Variants in MIPOL1 observed in about 807,000 individuals in gnomAD.
MIPOL1 encodes the protein mirror-image polydactyly 1.
MIPOL1 carries 57 observed loss-of-function variants against 60.9 expected under a neutral mutation model. The ratio of observed to expected loss-of-function variants is 0.94; its 90% CI spans 0.76 to 1.17. The LOEUF (loss-of-function observed/expected upper bound fraction) is 1.17, where lower values mean the gene tolerates loss of function less well. Among genes scored for constraint, MIPOL1 ranks in the 50% most tolerant of loss-of-function variants. The pLI is 0.00. For synonymous variants in MIPOL1, 179 were observed against 168.8 expected, an observed-to-expected ratio of 1.06 and a Z score of -0.47; for missense variants, 551 against 511.6, an observed-to-expected ratio of 1.08 and a Z score of -0.74.
intron 7 of MIPOL1, among the ~76,000 whole-genome samples, chr14:37,290,643 C>A (rs952796562): frequency 6.6e-6 from 1 of 152,064 alleles, no homozygotes; most frequent in Non-Finnish European, 1.5e-5. Context: ...GTTTTAGGGA[C>A]CACAGCATGC....
intron 7 of MIPOL1, among the ~76,000 whole-genome samples, chr14:37,303,033 A>T (rs894557396): frequency 6.6e-6 from 1 of 151,960 alleles, no homozygotes; most frequent in Non-Finnish European, 1.5e-5. Context: ...CATGCAATTT[A>T]TGTTCATAAA....
chr14:37,231,522 A>G (rs556462439), intron 1 of MIPOL1, among the ~76,000 whole-genome samples: 5 of 152,322 alleles, frequency 3.3e-5, no homozygotes, highest in African/African-American at 9.6e-5. Context: ...ACTAAGGCTA[A>G]TAGATGAATG....
intron 11 of MIPOL1, among the ~76,000 whole-genome samples, chr14:37,489,454 G>T (rs998682709): frequency 3.3e-5 from 5 of 152,036 alleles, no homozygotes; most frequent in African/African-American, 1.2e-4. Flanking sequence ...ACTTCTGTCA[G>T]TTCATCAAAC....
intron 9 of MIPOL1, among the ~76,000 whole-genome samples, chr14:37,358,027 C>A (rs2091966123): frequency 6.6e-6 from 1 of 151,600 alleles, no homozygotes; most frequent in Admixed American, 6.6e-5. Context: ...GTGTGATGTT[C>A]CCTGCCCTAT....
intron 11 of MIPOL1, among the ~76,000 whole-genome samples, chr14:37,445,322 A>G (rs1478945207): frequency 3.3e-5 from 5 of 152,220 alleles, no homozygotes; most frequent in South Asian, 4.1e-4. Context: ...CCCATTCACA[A>G]TTGCTTCAAA....
Position 37,308,504 on chromosome 14 carries a change from T to C in MIPOL1, c.813T>C (p.Asp271=), listed in dbSNP as rs2086984282. The C allele has an allele frequency of 3.2e-6, 5 of 1,583,900 alleles. No individual in the cohort carries two copies. The highest frequency in any genetic ancestry group is 4.3e-6 in the Non-Finnish European group (5 of 1,168,560). The change falls in exon 9 of 13, where the codon GAT becomes GAC. Residue 271 remains aspartate, a synonymous_variant. Transcript: ENST00000684589. ...EEMSALIEER[D]AALSKCKRLE... is the part of the protein sequence containing the mutation. ...TGAGTGCACTAATAGAAGAACGGGA[T>C]GCTGCCTTGTCTAAGGTAACTCTGC...
chr14:37,470,376 C>T (rs1257310458), intron 11 of MIPOL1, among the ~76,000 whole-genome samples: 2 of 151,984 alleles, frequency 1.3e-5, no homozygotes, highest in Non-Finnish European at 2.9e-5. Context: ...CCCAGTGTTA[C>T]GGGAGGGGCC....
intron 9 of MIPOL1, among the ~76,000 whole-genome samples, chr14:37,356,220 G>T (rs1322396181): frequency 2.6e-5 from 4 of 151,918 alleles, no homozygotes; most frequent in African/African-American, 9.7e-5. Context: ...AGGCTTCTCG[G>T]GGGTCAGGGG....
intron 9 of MIPOL1, among the ~76,000 whole-genome samples, chr14:37,333,525 A>G (rs963609669): frequency 6.6e-6 from 1 of 151,648 alleles, no homozygotes; most frequent in Non-Finnish European, 1.5e-5. Flanking sequence ...TTGAGACAAG[A>G]CACAGATAAG....
intron 1 of MIPOL1, among the ~76,000 whole-genome samples, chr14:37,235,877 A>G (rs971569437): frequency 6.6e-6 from 1 of 151,916 alleles, no homozygotes; most frequent in Non-Finnish European, 1.5e-5. Context: ...CCTACCAGCA[A>G]TACACAAGGG....
chr14:37,364,815 G>A (rs2092415326), intron 9 of MIPOL1, among the ~76,000 whole-genome samples: 1 of 152,046 alleles, frequency 6.6e-6, no homozygotes, highest in Admixed American at 6.5e-5. Context: ...GCTTTGGGTA[G>A]CACCTACATT....
At chr14:37,338,554 G>A (rs1414932844) in intron 9 of MIPOL1, among the ~76,000 whole-genome samples, 3 of 151,592 alleles carry the variant, frequency 2.0e-5, no homozygotes, top group Non-Finnish European at 1.5e-5. Context: ...GACCATAGGT[G>A]TGCGCCACCA....
At chr14:37,356,560 C>T (rs1202406633) in intron 9 of MIPOL1, among the ~76,000 whole-genome samples, 1 of 152,192 alleles carries the variant, frequency 6.6e-6, no homozygotes, top group Non-Finnish European at 1.5e-5. Flanking sequence ...ATCAGCGAGA[C>T]TCTGTGGGTG....
At chr14:37,505,654 T>C (rs1170935696) in intron 12 of MIPOL1, 3 of 152,228 alleles carry the variant, frequency 2.0e-5, no homozygotes, top group Non-Finnish European at 4.4e-5. Flanking sequence ...AATATCATAC[T>C]GAATGGGCAA....
chr14:37,403,266 A>C lies in MIPOL1; in HGVS notation c.937-19589A>C, dbSNP rs142527510. Among the ~76,000 whole-genome samples the C allele has an allele frequency of 2.5e-3, 382 of 152,210 alleles. 1 individual carries two copies. The highest frequency in any genetic ancestry group is 9.0e-3 in the African/African-American group (373 of 41,532). On this transcript the variant is annotated intron_variant, in intron 10 of 12. Transcript: ENST00000684589. ...CAGAGGATTCCCTGTAAATTACAGA[A>C]TCTTAAATATTACAAATTCTCATGG...
At chr14:37,245,836 TAA>T (rs1381926476) in intron 1 of MIPOL1, among the ~76,000 whole-genome samples, 3 of 152,128 alleles carry the variant, frequency 2.0e-5, no homozygotes, top group Admixed American at 6.6e-5. Flanking sequence ...TAGCATAACT[TAA>T]GAGTATAATA....
rs2083069094 is a variant in MIPOL1 at position 37,268,754 on chromosome 14, T to G, written c.348T>G (p.Leu116=). ...DSDKEKTIAF[L]LKELDILRTS... ...ATAAAGAGAAGACAATAGCATTTCT[T>G]CTAAAAGAATTGGATATTCTCAGAA... Residue 116 remains leucine, a synonymous_variant, in exon 5 of 13, where the codon CTT becomes CTG. Coordinates refer to ENST00000684589, the MANE Select transcript of MIPOL1 (RefSeq NM_001388067.1). 2.5e-6 allele frequency: 4 copies of G among 1,595,096 alleles called. No individual in the cohort carries two copies. The highest frequency in any genetic ancestry group is 3.4e-6 in the Non-Finnish European group (4 of 1,168,490).
chr14:37,285,036 T>C (rs1165998137), intron 6 of MIPOL1, among the ~76,000 whole-genome samples: 1 of 152,228 alleles, frequency 6.6e-6, no homozygotes, highest in East Asian at 1.9e-4. Context: ...TCTGCCTATC[T>C]GCAATATGTG....
chr14:37,498,439 G>C (rs1323187640), intron 11 of MIPOL1, among the ~76,000 whole-genome samples: 3 of 151,926 alleles, frequency 2.0e-5, no homozygotes, highest in Non-Finnish European at 2.9e-5. Flanking sequence ...CTTTCATGGA[G>C]ATAAAGAGGG....
Sources: allele counts gnomAD v4.1 joint callset (sites outside exome capture counted in the v4.1 genomes callset), GRCh38; gene constraint gnomAD v4.1.1; transcripts MANE v1.5; gene names NCBI Gene and HGNC (gene_info 2026-07-23, HGNC 2026-07-21).